Variants in MVB12B observed in about 807,000 individuals in gnomAD.
MVB12B encodes ESCRT-I complex subunit MVB12B.
In MVB12B, 16 loss-of-function variants were observed where a neutral mutation model predicts 41.6. That is an observed-to-expected ratio of 0.38 (90% CI 0.26 to 0.58). The LOEUF is 0.58. MVB12B is among the 20% of genes least tolerant of loss of function. The probability of loss-of-function intolerance (pLI) is 0.62; values close to 1 mark genes in which losing one functional copy is unlikely to be tolerated. For missense variants in MVB12B, 274 were observed against 380.2 expected (o/e 0.72, Z 2.32); for synonymous variants, 133 against 139.7 (o/e 0.95, Z 0.34).
At position 126,423,567 on chromosome 9, in the gene MVB12B, T is replaced by G. The variant is rs115521734; in HGVS notation, c.757+1619T>G. ...ATTTTATCTTCCAAACAGAGGTAGT[T>G]GAGGCTACAGCCCACGGCAGCAGGC... is the stretch of plus-strand genomic sequence containing the variant. On this transcript the variant is annotated intron_variant, in intron 7 of 9. Transcript: ENST00000361171. Among the ~76,000 whole-genome samples the G allele has an allele frequency of 5.8e-3, 890 of 152,316 alleles. 5 individuals carry two copies. The highest frequency in any genetic ancestry group is 0.021 in the African/African-American group (866 of 41,568).
At chr9:126,431,358 G>A (rs1311896977) in intron 7 of MVB12B, among the ~76,000 whole-genome samples, 7 of 152,202 alleles carry the variant, frequency 4.6e-5, no homozygotes, top group Admixed American at 4.6e-4. Flanking sequence ...GGGCAGGAAG[G>A]AGAGAAGTGC....
chr9:126,343,531 G>A (rs1588088568), intron 2 of MVB12B, among the ~76,000 whole-genome samples: 1 of 152,188 alleles, frequency 6.6e-6, no homozygotes, highest in Non-Finnish European at 1.5e-5. Context: ...TGTCTAAAGG[G>A]CATCAAGCTG....
intron 1 of MVB12B, among the ~76,000 whole-genome samples, chr9:126,339,176 A>G (rs921321132): frequency 3.9e-5 from 6 of 152,208 alleles, no homozygotes; most frequent in African/African-American, 1.4e-4. Flanking sequence ...CACTGACTTC[A>G]TGGGAGACTT....
In MVB12B at chr9:126,492,118, GCACA is replaced by G. The variant is rs35494875; in HGVS notation, c.873+8102_873+8105del. Among the ~76,000 whole-genome samples the G allele has an allele frequency of 1.9e-4, 27 of 143,400 alleles. No individual in the cohort carries two copies. In the South Asian group the frequency reaches 6.3e-3, roughly 34 times the overall value. 94.1% of individuals were successfully genotyped at this position (143,400 alleles called of 152,430 possible). A position where few individuals can be genotyped will look rare whatever the true frequency, so the allele number is the denominator to read the frequency against. ...CCCTCCGTCCACTCCTGCGGCACGT[GCACA>G]CACACACACACACACGCTCAGCAGG... is the stretch of plus-strand genomic sequence containing the variant. On this transcript the variant is annotated intron_variant, in intron 9 of 9. Coordinates refer to ENST00000361171, the MANE Select transcript of MVB12B (RefSeq NM_033446.3).
chr9:126,396,297 T>C lies in MVB12B; in HGVS notation c.662+600T>C, dbSNP rs1253784971. ...ACAGAGGTAGTAACAGTCTCTACAC[T>C]TTCTGCAAAAAGAATCCTGTCAAAT... On this transcript the variant is annotated intron_variant, in intron 6 of 9. Coordinates refer to ENST00000361171, the MANE Select transcript of MVB12B (RefSeq NM_033446.3). The C allele has an allele frequency of 1.5e-5, 15 of 985,510 alleles. No homozygotes were observed. The South Asian group carries it at 4.7e-4, about 31-fold the overall frequency. The allele number at this position is 985,510 out of a possible 1,614,324, so 61.0% of individuals were successfully genotyped here.
At chr9:126,327,140 C>A in intron 1 of MVB12B, 130 bp downstream of exon 1, 1 of 535,024 alleles carries the variant, frequency 1.9e-6, no homozygotes, top group Non-Finnish European at 2.4e-6. Flanking sequence ...CCGAGGCCTG[C>A]GGGCTCCGTG....
chr9:126,494,868 A>C (rs57779186), intron 9 of MVB12B, among the ~76,000 whole-genome samples: 14,899 of 125,244 alleles, frequency 0.12, 894 homozygotes, highest in South Asian at 0.17. Context: ...GGAGCACCCC[A>C]CCCCCCCCCA....
intron 1 of MVB12B, among the ~76,000 whole-genome samples, chr9:126,339,036 A>C (rs1829365289): frequency 6.6e-6 from 1 of 152,208 alleles, no homozygotes; most frequent in African/African-American, 2.4e-5. Context: ...AATTAGGTAA[A>C]GCATAACTTT....
intron 2 of MVB12B, among the ~76,000 whole-genome samples, chr9:126,346,167 C>T (rs919234567): frequency 4.6e-5 from 7 of 152,066 alleles, no homozygotes; most frequent in Non-Finnish European, 7.4e-5. Context: ...TTGGTTGGCA[C>T]GGAAAACCCT....
At chr9:126,405,202 G>T (rs1831384991) in intron 6 of MVB12B, among the ~76,000 whole-genome samples, 1 of 151,976 alleles carries the variant, frequency 6.6e-6, no homozygotes, top group Non-Finnish European at 1.5e-5. Flanking sequence ...GTGAATTTCT[G>T]AGTGTCTTAT....
At chr9:126,466,590 G>A (rs561338486) in intron 7 of MVB12B, among the ~76,000 whole-genome samples, 22 of 152,254 alleles carry the variant, frequency 1.4e-4, no homozygotes, top group African/African-American at 4.3e-4. Flanking sequence ...ACTGCAGACC[G>A]CACCAAAGAA....
chr9:126,504,361 A>T lies in MVB12B; in HGVS notation c.*1098A>T, dbSNP rs1834023768. On this transcript the variant is annotated 3_prime_UTR_variant, in exon 10 of 10. Transcript: ENST00000361171. ...CCTCGGGGCCCAGGCCCTCACCCGA[A>T]GGGCTGCCTCACTCTGTGGTGTCAG... is the stretch of plus-strand genomic sequence containing the variant. 6.6e-6 allele frequency: 1 copy of T among 152,296 alleles called. No individual in the cohort carries two copies. Among genetic ancestry groups the T allele is most frequent in the Non-Finnish European group, 1.5e-5 (1 of 68,076 alleles). 9.4% of individuals were successfully genotyped at this position (152,296 alleles called of 1,614,324 possible). A position where few individuals can be genotyped will look rare whatever the true frequency, so the allele number is the denominator to read the frequency against.
chr9:126,401,618 G>C (rs891331999), intron 6 of MVB12B, among the ~76,000 whole-genome samples: 4 of 152,232 alleles, frequency 2.6e-5, no homozygotes, highest in Admixed American at 2.6e-4. Flanking sequence ...GCTGTCATCG[G>C]AAAGGTTAAT....
At chr9:126,494,148 ATGTTTT>A (rs1420795724) in intron 9 of MVB12B, among the ~76,000 whole-genome samples, 2 of 152,000 alleles carry the variant, frequency 1.3e-5, no homozygotes, top group African/African-American at 2.4e-5. Flanking sequence ...GTTTTCCTAA[ATGTTTT>A]TATCAGAAAT....
chr9:126,498,416 A>G (rs899146217), intron 9 of MVB12B, among the ~76,000 whole-genome samples: 1 of 152,156 alleles, frequency 6.6e-6, no homozygotes, highest in East Asian at 1.9e-4. Context: ...CGTTGGCCCC[A>G]GCCTTGGCCC....
intron 2 of MVB12B, among the ~76,000 whole-genome samples, chr9:126,353,175 G>T (rs957576299): frequency 6.6e-6 from 1 of 152,192 alleles, no homozygotes; most frequent in Non-Finnish European, 1.5e-5. Flanking sequence ...ATCTGTTCTG[G>T]TTCTTGAAGT....
chr9:126,486,071 G>T lies in MVB12B; in HGVS notation c.873+2039G>T, dbSNP rs1218789364. ...AATCAAGCAAAATTGAATCAATGTA[G>T]TACAACAAATTTCTAAACCTGTCAT... On this transcript the variant is annotated intron_variant, in intron 9 of 9. Coordinates refer to ENST00000361171, the MANE Select transcript of MVB12B (RefSeq NM_033446.3). This position sits in a 1 kb window ranked among gnomAD's most constrained non-coding sequence, Gnocchi z 4.7. Among the ~76,000 whole-genome samples the T allele has an allele frequency of 6.6e-6, 1 of 152,158 alleles. No individual in the cohort carries two copies. Among genetic ancestry groups the T allele is most frequent in the Non-Finnish European group, 1.5e-5 (1 of 68,030 alleles).
chr9:126,379,736 C>G (rs1031176053), intron 2 of MVB12B, among the ~76,000 whole-genome samples: 6 of 152,166 alleles, frequency 3.9e-5, no homozygotes, highest in Non-Finnish European at 8.8e-5. Context: ...CCTCAGAGAG[C>G]GTGGCCGTGG....
At chr9:126,411,802 G>A (rs1831660069) in intron 6 of MVB12B, among the ~76,000 whole-genome samples, 1 of 152,150 alleles carries the variant, frequency 6.6e-6, no homozygotes, top group Non-Finnish European at 1.5e-5. Context: ...TTCTGTTTTA[G>A]CGGAAACAAG....
Sources: gnomAD v4.1 joint callset for allele counts (sites outside exome capture counted in the v4.1 genomes callset) on GRCh38, gnomAD v4.1.1 for gene constraint, Gnocchi (gnomAD v3.1) non-coding constraint, MANE v1.5 for transcripts, NCBI Gene and HGNC (gene_info 2026-07-23, HGNC 2026-07-21) for gene names.